Variants in MACROD2 observed in about 807,000 individuals in gnomAD.
MACROD2 encodes mono-ADP ribosylhydrolase 2.
MACROD2 carries 36 observed loss-of-function variants against 70.4 expected under a neutral mutation model. The observed-to-expected ratio is 0.51, with a 90% CI of 0.39 to 0.68. The LOEUF (loss-of-function observed/expected upper bound fraction) is 0.68, where lower values mean the gene tolerates loss of function less well. MACROD2 is among the 30% of genes least tolerant of loss of function. The pLI is 0.00. For missense variants in MACROD2, 496 were observed against 538.4 expected (o/e 0.92, Z 0.78); for synonymous variants, 172 against 178.8 (o/e 0.96, Z 0.30).
intron 15 of MACROD2, among the ~76,000 whole-genome samples, chr20:15,990,571 A>T (rs1035433716): frequency 6.6e-6 from 1 of 152,212 alleles, no homozygotes; most frequent in Non-Finnish European, 1.5e-5. Context: ...TTTACCTAAG[A>T]TTGAGCAAAA....
At chr20:15,083,734 C>G (rs2075723126) in intron 5 of MACROD2, among the ~76,000 whole-genome samples, 1 of 152,022 alleles carries the variant, frequency 6.6e-6, no homozygotes, top group Non-Finnish European at 1.5e-5. Flanking sequence ...AAAGGTTTCT[C>G]CAAGGTTTCT....
At chr20:15,233,402 G>A (rs1568656777) in intron 6 of MACROD2, among the ~76,000 whole-genome samples, 1 of 152,156 alleles carries the variant, frequency 6.6e-6, no homozygotes, top group South Asian at 2.1e-4. Context: ...AAAAAGAGTA[G>A]GGTATAAATA....
intron 2 of MACROD2, among the ~76,000 whole-genome samples, chr20:14,002,700 T>G (rs999854419): frequency 6.6e-6 from 1 of 152,166 alleles, no homozygotes; most frequent in Non-Finnish European, 1.5e-5. Context: ...ATTAGAGATT[T>G]GCTGCTTTGG....
chr20:15,879,558 A>C (rs932764974), intron 9 of MACROD2, among the ~76,000 whole-genome samples: 1 of 152,132 alleles, frequency 6.6e-6, no homozygotes, highest in Non-Finnish European at 1.5e-5. Context: ...TTTTCAGTAA[A>C]TTTGTCTCAT....
chr20:14,253,464 A>G (rs1246917872), intron 3 of MACROD2, among the ~76,000 whole-genome samples: 1 of 152,078 alleles, frequency 6.6e-6, no homozygotes, highest in Admixed American at 6.6e-5. Flanking sequence ...AAGATGATAT[A>G]GTATGTTTTC....
intron 5 of MACROD2, among the ~76,000 whole-genome samples, chr20:14,974,737 C>T (rs2074722876): frequency 6.6e-6 from 1 of 152,112 alleles, no homozygotes; most frequent in Admixed American, 6.5e-5. Context: ...TCTCCTACTG[C>T]AGTTTGCACT....
intron 4 of MACROD2, among the ~76,000 whole-genome samples, chr20:14,682,022 A>G (rs1600533854): frequency 6.6e-6 from 1 of 152,254 alleles, no homozygotes; most frequent in East Asian, 1.9e-4. Flanking sequence ...TGGTACATTT[A>G]AGCTGTAGTT....
At chr20:15,676,044 A>T (rs1198276746) in intron 8 of MACROD2, among the ~76,000 whole-genome samples, 6 of 152,210 alleles carry the variant, frequency 3.9e-5, no homozygotes, top group African/African-American at 1.4e-4. Flanking sequence ...ACAATGAAGG[A>T]AGCAATTTGC....
chr20:15,946,642 T>A (rs1298113678), intron 12 of MACROD2, among the ~76,000 whole-genome samples: 1 of 152,336 alleles, frequency 6.6e-6, no homozygotes, highest in East Asian at 1.9e-4. Flanking sequence ...TCTCATTCAT[T>A]TTTATGTTCT....
chr20:15,702,752 C>T (rs1443253661), intron 8 of MACROD2, among the ~76,000 whole-genome samples: 2 of 151,968 alleles, frequency 1.3e-5, no homozygotes, highest in African/African-American at 2.4e-5. Context: ...GGAAAATCAA[C>T]GTTATTTTTC....
intron 7 of MACROD2, among the ~76,000 whole-genome samples, chr20:15,447,271 T>C (rs915677728): frequency 6.6e-6 from 1 of 152,176 alleles, no homozygotes; most frequent in Non-Finnish European, 1.5e-5. Context: ...CTGCAAGCTA[T>C]GGCAGGGCAA....
intron 11 of MACROD2, among the ~76,000 whole-genome samples, chr20:15,934,233 A>G (rs2065623550): frequency 6.6e-6 from 1 of 152,114 alleles, no homozygotes; most frequent in Non-Finnish European, 1.5e-5. Flanking sequence ...CATATGCTGA[A>G]CTCTTGGAAT....
intron 7 of MACROD2, among the ~76,000 whole-genome samples, chr20:15,497,658 A>G (rs1043610388): frequency 6.6e-6 from 1 of 151,954 alleles, no homozygotes; most frequent in African/African-American, 2.4e-5. Flanking sequence ...CATTTTTCCT[A>G]ACCTTTCCCA....
intron 5 of MACROD2, among the ~76,000 whole-genome samples, chr20:14,960,967 C>G (rs151259034): frequency 1.3e-5 from 2 of 152,258 alleles, no homozygotes; most frequent in African/African-American, 4.8e-5. Context: ...AGGAACAGTG[C>G]TAGTCTTGCT....
Position 15,719,125 on chromosome 20 carries a change from C to T in MACROD2, c.646-143620C>T, listed in dbSNP as rs114474145. Among the ~76,000 whole-genome samples, 811 of 152,090 alleles carry T rather than the reference C, an allele frequency of 5.3e-3. 9 individuals are homozygous for T. The highest frequency in any genetic ancestry group is 0.019 in the African/African-American group (778 of 41,492). ...ACAGAGAAATACCACTGCTTACTCA[C>T]GAATGCTACTGAACAAAAGCTATAT... is the stretch of plus-strand genomic sequence containing the variant. On this transcript the variant is annotated intron_variant, in intron 8 of 17. Coordinates refer to ENST00000684519, the MANE Select transcript of MACROD2 (RefSeq NM_001351661.2).
chr20:15,114,638 T>C (rs1196836920), intron 5 of MACROD2, among the ~76,000 whole-genome samples: 1 of 152,196 alleles, frequency 6.6e-6, no homozygotes, highest in African/African-American at 2.4e-5. Context: ...TTCTGATCCA[T>C]GGAAACCAAG....
chr20:14,609,012 T>C (rs1425576165), intron 4 of MACROD2, among the ~76,000 whole-genome samples: 1 of 151,950 alleles, frequency 6.6e-6, no homozygotes, highest in African/African-American at 2.4e-5. Flanking sequence ...CAGGGGAACT[T>C]GGTGAGGTTT....
chr20:15,910,728 A>C (rs1468433862), intron 10 of MACROD2, among the ~76,000 whole-genome samples: 1 of 152,130 alleles, frequency 6.6e-6, no homozygotes, highest in Non-Finnish European at 1.5e-5. Flanking sequence ...AATTTAAAAA[A>C]CTCCCAAGGT....
chr20:16,015,463 T>A (rs1239173417), intron 15 of MACROD2, among the ~76,000 whole-genome samples: 1 of 152,234 alleles, frequency 6.6e-6, no homozygotes, highest in Non-Finnish European at 1.5e-5. Flanking sequence ...CAAAAGGAGC[T>A]ATCTGTTGAA....
Sources: allele counts gnomAD v4.1 joint callset (sites outside exome capture counted in the v4.1 genomes callset), GRCh38; gene constraint gnomAD v4.1.1; transcripts MANE v1.5; gene names NCBI Gene and HGNC (gene_info 2026-07-23, HGNC 2026-07-21).